The following ELAPOR2 variants were observed in gnomAD, a reference collection of about 807,000 sequenced individuals.
ELAPOR2 encodes the protein endosome-lysosome associated apoptosis and autophagy regulator family member 2.
Under a neutral mutation model 120.7 loss-of-function variants are expected in ELAPOR2, and 89 were observed. That is an observed-to-expected ratio of 0.74 (90% CI 0.62 to 0.88). The LOEUF (loss-of-function observed/expected upper bound fraction) is 0.88. Ranked by LOEUF, ELAPOR2 falls within the 40% of genes least tolerant of loss-of-function variation. The probability of loss-of-function intolerance (pLI) is 0.00; values close to 1 mark genes in which losing one functional copy is unlikely to be tolerated. For missense variants in ELAPOR2, 1,134 were observed against 1,251.6 expected, an observed-to-expected ratio of 0.91 and a Z score of 1.42; for synonymous variants, 444 against 444.9, an observed-to-expected ratio of 1.00 and a Z score of 0.03.
intron 14 of ELAPOR2, among the ~76,000 whole-genome samples, 154 bp downstream of exon 14, chr7:86,912,787 C>T (rs1015409008): frequency 2.6e-5 from 4 of 152,004 alleles, no homozygotes; most frequent in Admixed American, 6.6e-5. Context: ...GTTTAATAAA[C>T]GCAAGAAGGG....
intron 1 of ELAPOR2, among the ~76,000 whole-genome samples, chr7:86,972,808 C>G (rs920085595): frequency 6.6e-6 from 1 of 151,968 alleles, no homozygotes; most frequent in Non-Finnish European, 1.5e-5. Flanking sequence ...ATACCCTACA[C>G]TGGTACTCTT....
intron 3 of ELAPOR2, 109 bp downstream of exon 3, chr7:86,947,618 C>T: frequency 2.1e-6 from 2 of 955,654 alleles, no homozygotes; most frequent in Non-Finnish European, 3.1e-6. Flanking sequence ...ATTAGCTTAT[C>T]TATCACCACA....
At chr7:86,990,348 G>A (rs1767700) in intron 1 of ELAPOR2, among the ~76,000 whole-genome samples, 13 of 151,898 alleles carry the variant, frequency 8.6e-5, no homozygotes, top group Admixed American at 2.6e-4. Flanking sequence ...CGGGTTCTGC[G>A]CTTATGAATG....
intron 2 of ELAPOR2, among the ~76,000 whole-genome samples, chr7:86,957,749 C>G (rs1222372876): frequency 6.6e-6 from 1 of 152,086 alleles, no homozygotes; most frequent in Non-Finnish European, 1.5e-5. Flanking sequence ...CGAAGCTACT[C>G]AGGAAGTGGA....
At chr7:87,053,959 TG>T (rs149695772) in intron 1 of ELAPOR2, among the ~76,000 whole-genome samples, 1,800 of 152,286 alleles carry the variant, frequency 0.012, 37 homozygotes, top group African/African-American at 0.04. Flanking sequence ...CAAATGTAAT[TG>T]CATGATGTGT....
chr7:87,012,522 A>C (rs1793723483), intron 1 of ELAPOR2, among the ~76,000 whole-genome samples: 1 of 152,196 alleles, frequency 6.6e-6, no homozygotes. Context: ...ATTATATCAT[A>C]TCTCTCCTAA....
In ELAPOR2 at chr7:86,990,259, AG is replaced by A. The variant is rs528540147; in HGVS notation, c.190-25236del. ...GAGACGGGGTTTCACCGTCTTAGCC[AG>A]GATGGTCTCGATCTCCCGACCTCAT... is the stretch of plus-strand genomic sequence containing the variant. On this transcript the variant is annotated intron_variant, in intron 1 of 21. Transcript: ENST00000450689. Among the ~76,000 whole-genome samples the A allele has an allele frequency of 4.6e-5, 7 of 152,186 alleles. No homozygotes were observed. In the East Asian group the frequency reaches 7.7e-4, roughly 17 times the overall value.
In ELAPOR2 at chr7:86,938,891, T is replaced by A. The variant is rs762692749; in HGVS notation, c.917A>T (p.Asn306Ile). 1 of 1,613,414 alleles carries A rather than the reference T, an allele frequency of 6.2e-7. No homozygotes were observed. Among genetic ancestry groups the A allele is most frequent in the Non-Finnish European group, 8.5e-7 (1 of 1,179,532 alleles). ...GTFSNKPGSF[N>I]CQVCPRNTYS... is the part of the protein sequence containing the mutation. ...GGTGTTTCTGGGACACACCTGGCAGTTGAATGAACCTGGTTTGTTGCTGAA... is the reference window on the plus strand; with the variant it reads ...GGTGTTTCTGGGACACACCTGGCAGATGAATGAACCTGGTTTGTTGCTGAA... Residue 306 changes from asparagine to isoleucine, a missense_variant, in exon 7 of 22, where the codon AAC becomes ATC. Coordinates refer to ENST00000450689, the MANE Select transcript of ELAPOR2 (RefSeq NM_001142749.3).
intron 1 of ELAPOR2, among the ~76,000 whole-genome samples, chr7:86,978,346 G>A (rs964299409): frequency 5.3e-5 from 8 of 152,140 alleles, no homozygotes; most frequent in Admixed American, 2.0e-4. Context: ...ATAGCAATAT[G>A]AGAACAGACT....
chr7:86,925,862 C>T (rs1790042899), intron 9 of ELAPOR2, among the ~76,000 whole-genome samples: 1 of 151,880 alleles, frequency 6.6e-6, no homozygotes, highest in African/African-American at 2.4e-5. Flanking sequence ...TACATACATA[C>T]ATATACTTGA....
chr7:87,059,027 C>T (rs566073256), intron 1 of ELAPOR2, among the ~76,000 whole-genome samples: 2 of 152,070 alleles, frequency 1.3e-5, no homozygotes, highest in South Asian at 2.1e-4. Flanking sequence ...GAAATCTTTC[C>T]CTCGACCCCA....
chr7:86,972,304 A>G (rs1346059482), intron 1 of ELAPOR2, among the ~76,000 whole-genome samples: 3 of 152,136 alleles, frequency 2.0e-5, no homozygotes, highest in Non-Finnish European at 4.4e-5. Flanking sequence ...CTTCATTTGC[A>G]CAAATGAATC....
intron 1 of ELAPOR2, among the ~76,000 whole-genome samples, chr7:87,054,640 T>C (rs1280712782): frequency 6.6e-6 from 1 of 152,182 alleles, no homozygotes; most frequent in Admixed American, 6.5e-5. Flanking sequence ...ACAAAAAACA[T>C]GACCATTACA....
At chr7:86,944,319 C>T (rs747307026) in intron 4 of ELAPOR2, among the ~76,000 whole-genome samples, 3 of 151,840 alleles carry the variant, frequency 2.0e-5, no homozygotes, top group African/African-American at 4.8e-5. Flanking sequence ...TCTTATCTTC[C>T]GTAATGTTAT....
In ELAPOR2 at chr7:86,965,440, T is replaced by C. The variant is rs560057270; in HGVS notation, c.190-416A>G. Among the ~76,000 whole-genome samples, 9 of 152,368 alleles carry C rather than the reference T, an allele frequency of 5.9e-5. 1 individual carries two copies. In the South Asian group the frequency reaches 1.7e-3, roughly 28 times the overall value. ...GAAAGAAACAAGAGAACTACTTCCA[T>C]TGACCTAATTCTCACTCTGTTTAAA... On this transcript the variant is annotated intron_variant, in intron 1 of 21. Transcript: ENST00000450689.
chr7:87,041,672 G>C (rs1212974957), intron 1 of ELAPOR2, among the ~76,000 whole-genome samples: 10 of 151,848 alleles, frequency 6.6e-5, no homozygotes, highest in Non-Finnish European at 1.5e-4. Flanking sequence ...AAAATGTAAA[G>C]ACCATCGAGA....
chr7:87,039,784 G>A (rs886595758), intron 1 of ELAPOR2, among the ~76,000 whole-genome samples: 1 of 152,190 alleles, frequency 6.6e-6, no homozygotes, highest in African/African-American at 2.4e-5. Context: ...GGCCGAATAG[G>A]AACAGCTCTG....
intron 2 of ELAPOR2, among the ~76,000 whole-genome samples, chr7:86,960,621 T>C (rs1791665898): frequency 6.6e-6 from 1 of 152,218 alleles, no homozygotes; most frequent in Non-Finnish European, 1.5e-5. Flanking sequence ...TTAATTCTCC[T>C]ACTATTATTG....
chr7:86,965,942 A>G, intron 1 of ELAPOR2: 1 of 985,350 alleles, frequency 1.0e-6, no homozygotes, highest in Non-Finnish European at 1.2e-6. Context: ...CAGGAATGAG[A>G]AGGCCATTGT....
Sources: gnomAD v4.1 joint callset for allele counts (sites outside exome capture counted in the v4.1 genomes callset) on GRCh38, gnomAD v4.1.1 for gene constraint, MANE v1.5 for transcripts, NCBI Gene and HGNC (gene_info 2026-07-23, HGNC 2026-07-21) for gene names.